Variants in SPAG16 observed in about 807,000 individuals in gnomAD.
The protein encoded by SPAG16 is sperm associated antigen 16, also known as sperm-associated antigen 16 protein.
In SPAG16, 86 loss-of-function variants were observed where a neutral mutation model predicts 80.4. The observed-to-expected ratio is 1.07, with a 90% CI of 0.90 to 1.28. The LOEUF (loss-of-function observed/expected upper bound fraction) is 1.28, where lower values mean the gene tolerates loss of function less well. Ranked by LOEUF, SPAG16 falls within the 50% of genes most tolerant of loss-of-function variation. The pLI is 0.00. For missense variants in SPAG16, 870 were observed against 765.3 expected, an observed-to-expected ratio of 1.14 and a Z score of -1.61; for synonymous variants, 294 against 265.9, an observed-to-expected ratio of 1.11 and a Z score of -1.03.
At chr2:214,104,360 C>T (rs774229998) in intron 13 of SPAG16, among the ~76,000 whole-genome samples, 1 of 152,068 alleles carries the variant, frequency 6.6e-6, no homozygotes, top group Non-Finnish European at 1.5e-5. Context: ...AGGAGCGTGA[C>T]ATGGTCTGAT....
At chr2:214,402,070 A>G (rs1014659557) in intron 15 of SPAG16, among the ~76,000 whole-genome samples, 5 of 151,992 alleles carry the variant, frequency 3.3e-5, no homozygotes, top group African/African-American at 1.2e-4. Context: ...TATTTGATCA[A>G]TTAAAGAGTC....
chr2:213,440,915 A>T (rs2070913751), intron 9 of SPAG16, among the ~76,000 whole-genome samples: 1 of 152,228 alleles, frequency 6.6e-6, no homozygotes, highest in Non-Finnish European at 1.5e-5. Context: ...TATAACTTAG[A>T]AATTAATTCC....
chr2:214,322,382 T>C (rs993343866), intron 15 of SPAG16, among the ~76,000 whole-genome samples: 1 of 152,156 alleles, frequency 6.6e-6, no homozygotes, highest in Non-Finnish European at 1.5e-5. Context: ...TCTTGAAGTC[T>C]CATAAGAAAA....
At chr2:213,309,578 C>T (rs1328066216) in intron 3 of SPAG16, among the ~76,000 whole-genome samples, 1 of 151,996 alleles carries the variant, frequency 6.6e-6, no homozygotes, top group Non-Finnish European at 1.5e-5. Flanking sequence ...AATCCAATCA[C>T]ACTCCTGCTG....
At position 214,249,574 on chromosome 2, in the gene SPAG16, A is replaced by G. The variant is rs542576949; in HGVS notation, c.1720+100308A>G. Among the ~76,000 whole-genome samples, 4 of 152,298 alleles carry G rather than the reference A, an allele frequency of 2.6e-5. No individual in the cohort carries two copies. In the South Asian group the frequency reaches 6.2e-4, roughly 24 times the overall value. On this transcript the variant is annotated intron_variant, in intron 15 of 15. Coordinates refer to ENST00000331683, the MANE Select transcript of SPAG16 (RefSeq NM_024532.5). Reference sequence around the variant, plus strand: ...TAACTGTAAAAAACAAATTATTTTTATATGACAAGTAAACACGATTGACAA... The same window carrying G: ...TAACTGTAAAAAACAAATTATTTTTGTATGACAAGTAAACACGATTGACAA...
chr2:213,878,242 T>C (rs992165404), intron 11 of SPAG16, among the ~76,000 whole-genome samples: 6 of 141,506 alleles, frequency 4.2e-5, no homozygotes, highest in Non-Finnish European at 4.8e-5. Flanking sequence ...TTTAGTTCTC[T>C]GAGAAATCAT....
At chr2:213,935,399 T>C (rs1476030372) in intron 12 of SPAG16, among the ~76,000 whole-genome samples, 1 of 151,676 alleles carries the variant, frequency 6.6e-6, no homozygotes, top group East Asian at 1.9e-4. Flanking sequence ...TTTGAAGGAG[T>C]AGTAATGGAA....
intron 7 of SPAG16, 60 bp downstream of exon 7, chr2:213,350,705 A>T (rs548977700): frequency 5.4e-6 from 5 of 925,300 alleles, no homozygotes; most frequent in Non-Finnish European, 8.1e-6. Context: ...TAATAATACA[A>T]GTAGAAATAC....
intron 13 of SPAG16, among the ~76,000 whole-genome samples, chr2:214,084,005 C>A (rs2051555739): frequency 6.6e-6 from 1 of 152,146 alleles, no homozygotes; most frequent in South Asian, 2.1e-4. Context: ...ATCCACATCA[C>A]CGAGACTTTC....
intron 1 of SPAG16, 69 bp downstream of exon 1, chr2:213,284,688 C>T: frequency 4.6e-6 from 7 of 1,517,354 alleles, no homozygotes; most frequent in Middle Eastern, 1.7e-4. Flanking sequence ...AGGCGAGGGC[C>T]TCCCACTGGC....
At chr2:214,161,519 A>G (rs1049422722) in intron 15 of SPAG16, among the ~76,000 whole-genome samples, 4 of 152,156 alleles carry the variant, frequency 2.6e-5, no homozygotes, top group Admixed American at 2.6e-4. Flanking sequence ...ATGGTATGTC[A>G]TTGTGGTTTT....
At chr2:213,579,836 G>A (rs972105718) in intron 10 of SPAG16, among the ~76,000 whole-genome samples, 2 of 152,050 alleles carry the variant, frequency 1.3e-5, no homozygotes, top group Admixed American at 1.3e-4. Flanking sequence ...TTTGTATCAT[G>A]ATCTAATATT....
intron 15 of SPAG16, among the ~76,000 whole-genome samples, chr2:214,282,142 T>C (rs1388222978): frequency 6.6e-6 from 1 of 152,222 alleles, no homozygotes; most frequent in African/African-American, 2.4e-5. Context: ...ACACTTTATA[T>C]GTGTACATTT....
intron 10 of SPAG16, among the ~76,000 whole-genome samples, chr2:213,700,509 A>G (rs966202679): frequency 1.3e-5 from 2 of 152,146 alleles, no homozygotes; most frequent in African/African-American, 4.8e-5. Context: ...ATTCCATTGT[A>G]TTGTCATTAG....
chr2:213,407,891 GAGAGAC>G (rs1253450549), intron 9 of SPAG16, among the ~76,000 whole-genome samples: 3 of 112,468 alleles, frequency 2.7e-5, no homozygotes, highest in Admixed American at 1.7e-4. Context: ...GGCAGAGAGA[GAGAGAC>G]AGGAGAGAGG....
chr2:213,461,277 G>A (rs2072342636), intron 9 of SPAG16, among the ~76,000 whole-genome samples: 1 of 152,254 alleles, frequency 6.6e-6, no homozygotes, highest in Admixed American at 6.5e-5. Context: ...AGGTAATATG[G>A]CATGGCTTAG....
intron 10 of SPAG16, among the ~76,000 whole-genome samples, chr2:213,647,625 G>T (rs1255118258): frequency 6.6e-6 from 1 of 151,976 alleles, no homozygotes; most frequent in Non-Finnish European, 1.5e-5. Flanking sequence ...TAGTCTCCCA[G>T]CCTCAGTCAT....
At chr2:213,625,090 G>C (rs1002213555) in intron 10 of SPAG16, among the ~76,000 whole-genome samples, 2 of 152,082 alleles carry the variant, frequency 1.3e-5, no homozygotes, top group Non-Finnish European at 2.9e-5. Flanking sequence ...ACCACACCCG[G>C]CCTCAGTTTT....
At chr2:214,039,995 C>G (rs1470836838) in intron 13 of SPAG16, among the ~76,000 whole-genome samples, 2 of 152,142 alleles carry the variant, frequency 1.3e-5, no homozygotes, top group Non-Finnish European at 2.9e-5. Flanking sequence ...CACACTCAGT[C>G]ATTTCTGGTG....
Sources: gnomAD v4.1 joint callset for allele counts (sites outside exome capture counted in the v4.1 genomes callset) on GRCh38, gnomAD v4.1.1 for gene constraint, MANE v1.5 for transcripts, NCBI Gene and HGNC (gene_info 2026-07-23, HGNC 2026-07-21) for gene names.